UBXN7: variants seen among roughly 807,000 people sequenced by gnomAD.
UBXN7 encodes UBX domain protein 7.
Under a neutral mutation model 58.0 loss-of-function variants are expected in UBXN7, and 9 were observed. That is an observed-to-expected ratio of 0.16 (90% CI 0.09 to 0.27). The LOEUF is 0.27. UBXN7 is among the 10% of genes least tolerant of loss of function. The pLI is 1.00. For missense variants in UBXN7, 328 were observed against 599.6 expected (o/e 0.55, Z 4.73); for synonymous variants, 208 against 205.0 (o/e 1.01, Z -0.12).
intron 8 of UBXN7, 63 bp from the exon 9 acceptor site, chr3:196,362,750 G>A (rs1001520704): frequency 3.9e-6 from 6 of 1,520,432 alleles, no homozygotes; most frequent in South Asian, 2.6e-5. Context: ...CAAGTCAAAC[G>A]GCATAAGAAA....
At chr3:196,363,463 T>C (rs975604100) in intron 8 of UBXN7, among the ~76,000 whole-genome samples, 1 of 151,010 alleles carries the variant, frequency 6.6e-6, no homozygotes, top group African/African-American at 2.4e-5. Context: ...GAGACCATCC[T>C]GGCCAACATG....
At chr3:196,383,737 T>G (rs1247144151) in intron 5 of UBXN7, among the ~76,000 whole-genome samples, 2 of 152,226 alleles carry the variant, frequency 1.3e-5, no homozygotes, top group Non-Finnish European at 2.9e-5. Flanking sequence ...AATAATGATG[T>G]TCTTTGAAAC....
chr3:196,375,183 CCACACACACACACACACACACA>C (rs56188527), intron 5 of UBXN7, among the ~76,000 whole-genome samples: 10 of 139,820 alleles, frequency 7.2e-5, no homozygotes, highest in East Asian at 2.2e-4. Flanking sequence ...GGTGCTCTTA[CCACACACACACACACACACACA>C]CACACACACA....
intron 1 of UBXN7, among the ~76,000 whole-genome samples, chr3:196,413,910 T>C (rs770651265): frequency 1.7e-4 from 26 of 152,312 alleles, no homozygotes; most frequent in Non-Finnish European, 3.1e-4. Context: ...TGCTATTACA[T>C]TGTACCTAAT....
At chr3:196,390,932 A>C (rs1338328869) in intron 5 of UBXN7, among the ~76,000 whole-genome samples, 2 of 152,308 alleles carry the variant, frequency 1.3e-5, no homozygotes, top group Admixed American at 1.3e-4. Flanking sequence ...AATGGGTCCC[A>C]AGGATTATTA....
intron 3 of UBXN7, among the ~76,000 whole-genome samples, chr3:196,401,248 CAAAAAAAAA>C (rs35766312): frequency 1.3e-3 from 3 of 2,274 alleles, no homozygotes; most frequent in East Asian, 0.014. Context: ...CCCGTCTCTC[CAAAAAAAAA>C]AAAAAAAAAA....
Position 196,354,075 on chromosome 3 carries a change from A to G in UBXN7, c.*2610T>C, listed in dbSNP as rs1395516910. 1 of 152,120 alleles carries G rather than the reference A, an allele frequency of 6.6e-6. No individual in the cohort carries two copies. The highest frequency in any genetic ancestry group is 1.9e-4 in the East Asian group (1 of 5,192). 9.4% of individuals were successfully genotyped at this position (152,120 alleles called of 1,614,324 possible). ...TTGAGCAAGGCAATACTCCTTATGG[A>G]TTCTTCCCATGTACAATCCGTAACT... On this transcript the variant is annotated 3_prime_UTR_variant, in exon 11 of 11. Coordinates refer to ENST00000296328, the MANE Select transcript of UBXN7 (RefSeq NM_015562.2).
At chr3:196,402,479 T>C (rs1385260722) in intron 3 of UBXN7, among the ~76,000 whole-genome samples, 1 of 152,196 alleles carries the variant, frequency 6.6e-6, no homozygotes, top group African/African-American at 2.4e-5. Context: ...TGCTTAACGA[T>C]AAATTAATCT....
At chr3:196,396,717 C>T (rs1049136141) in intron 3 of UBXN7, among the ~76,000 whole-genome samples, 1 of 151,906 alleles carries the variant, frequency 6.6e-6, no homozygotes, top group Non-Finnish European at 1.5e-5. Flanking sequence ...GAGCTGAGAT[C>T]GCACCACTGC....
intron 1 of UBXN7, among the ~76,000 whole-genome samples, chr3:196,423,083 G>T (rs144511565): frequency 6.6e-6 from 1 of 152,326 alleles, no homozygotes; most frequent in Non-Finnish European, 1.5e-5. Flanking sequence ...AGCCCAGCCC[G>T]CCAAGTCCTC....
At chr3:196,432,113 G>GA in intron 1 of UBXN7, 4 of 693,916 alleles carry the variant, frequency 5.8e-6, no homozygotes, top group Non-Finnish European at 1.0e-5. Flanking sequence ...ACGCTACTAG[G>GA]AGACAGAGAA....
At position 196,372,047 on chromosome 3, in the gene UBXN7, AAGAGT is replaced by A; in HGVS notation, c.469-10_469-6del. ...CATCTGGCCACACTCTTTGGCCTGC[AAGAGT>A]AAAGTTACACATTTGTTAGAAATAA... On this transcript the variant is annotated splice_region_variant and splice_polypyrimidine_tract_variant and intron_variant, in intron 5 of 10. Coordinates refer to ENST00000296328, the MANE Select transcript of UBXN7 (RefSeq NM_015562.2). 1 of 1,591,458 alleles carries A rather than the reference AAGAGT, an allele frequency of 6.3e-7. No homozygotes were observed.
In UBXN7 at chr3:196,353,057, G is replaced by C. The variant is rs1490856234; in HGVS notation, c.*3628C>G. The C allele has an allele frequency of 6.6e-6, 1 of 152,044 alleles. No homozygotes were observed. Among genetic ancestry groups the C allele is most frequent in the Non-Finnish European group, 1.5e-5 (1 of 68,006 alleles). 9.4% of individuals were successfully genotyped at this position (152,044 alleles called of 1,614,324 possible). ...ATAATGGCATAAATAAAAATGTATAGGCATAGTGCAAATCCCACAACTTTA... is the reference window on the plus strand; with the variant it reads ...ATAATGGCATAAATAAAAATGTATACGCATAGTGCAAATCCCACAACTTTA... On this transcript the variant is annotated 3_prime_UTR_variant, in exon 11 of 11. Coordinates refer to ENST00000296328, the MANE Select transcript of UBXN7 (RefSeq NM_015562.2).
intron 1 of UBXN7, among the ~76,000 whole-genome samples, chr3:196,416,740 T>A (rs1730497904): frequency 6.6e-6 from 1 of 152,206 alleles, no homozygotes; most frequent in Non-Finnish European, 1.5e-5. Context: ...ACATTCTATT[T>A]AAAAATATGA....
At chr3:196,384,366 G>C (rs1729308573) in intron 5 of UBXN7, among the ~76,000 whole-genome samples, 1 of 152,164 alleles carries the variant, frequency 6.6e-6, no homozygotes, top group South Asian at 2.1e-4. Context: ...AATTCTACCA[G>C]AGGTACAAAG....
chr3:196,402,825 A>G (rs894160750), intron 3 of UBXN7, 127 bp downstream of exon 3: 1 of 1,055,088 alleles, frequency 9.5e-7, no homozygotes, highest in African/African-American at 1.7e-5. Flanking sequence ...TGACAGGACT[A>G]TAGAAAAAAT....
rs1179864500 is a variant in UBXN7 at position 196,375,004 on chromosome 3, G to GAGGAAGGAAGGAAGGA, written c.469-2978_469-2963dup. 7.3e-3 allele frequency among the ~76,000 whole-genome samples: 274 copies of GAGGAAGGAAGGAAGGA among 37,496 alleles called. 9 individuals carry two copies. The highest frequency in any genetic ancestry group is 0.029 in the Middle Eastern group (2 of 68). 24.6% of individuals were successfully genotyped at this position (37,496 alleles called of 152,430 possible). On this transcript the variant is annotated intron_variant, in intron 5 of 10. Transcript: ENST00000296328. ...GAAGGAAGGGAGGGAGGGAGGGAGG[G>GAGGAAGGAAGGAAGGA]AGGAAGGAAGGAAGGAAGGAAGGAA...
chr3:196,365,632 C>A (rs902802685), intron 8 of UBXN7, among the ~76,000 whole-genome samples: 4 of 152,128 alleles, frequency 2.6e-5, no homozygotes, highest in Admixed American at 2.6e-4. Context: ...AGGGAAGCCA[C>A]AAATTCCCAA....
chr3:196,360,374 TA>T (rs572098296), intron 10 of UBXN7, among the ~76,000 whole-genome samples: 264 of 152,336 alleles, frequency 1.7e-3, no homozygotes, highest in Non-Finnish European at 1.6e-3. Context: ...ACTTTCTTGT[TA>T]GGGGGTAATG....
Sources: allele counts gnomAD v4.1 joint callset (sites outside exome capture counted in the v4.1 genomes callset), GRCh38; gene constraint gnomAD v4.1.1; transcripts MANE v1.5; gene names NCBI Gene and HGNC (gene_info 2026-07-23, HGNC 2026-07-21).